The following PCGF2 variants were observed in gnomAD, a reference collection of about 807,000 sequenced individuals.
PCGF2 encodes polycomb group ring finger 2, also known as polycomb group RING finger protein 2.
PCGF2 carries 8 observed loss-of-function variants against 36.1 expected under a neutral mutation model. The observed-to-expected ratio is 0.22, with a 90% CI of 0.13 to 0.40. The LOEUF is 0.40. PCGF2 is among the 10% of genes least tolerant of loss of function. The pLI is 1.00. For synonymous variants in PCGF2, 198 were observed against 191.2 expected, an observed-to-expected ratio of 1.04 and a Z score of -0.29; for missense variants, 436 against 475.9, an observed-to-expected ratio of 0.92 and a Z score of 0.78.
intron 2 of PCGF2, among the ~76,000 whole-genome samples, chr17:38,744,785 A>G (rs538994257): frequency 4.7e-4 from 71 of 152,308 alleles, no homozygotes; most frequent in African/African-American, 1.5e-3. Flanking sequence ...CTCTGATGCC[A>G]TAGCTCTCTC....
chr17:38,739,631 A>G lies in PCGF2; in HGVS notation c.164T>C (p.Met55Thr). Residue 55 changes from methionine to threonine, a missense_variant, in exon 4 of 11, where the codon ATG becomes ACG. Coordinates refer to ENST00000620225, the MANE Select transcript of PCGF2 (RefSeq NM_007144.3). The surrounding 1 kb of genome is among the most constrained non-coding windows in gnomAD (Gnocchi z 4.0). ...RYLETNKYCP[M>T]CDVQVHKTRP... The stretch of plus-strand genomic sequence containing the variant: ...GGTTTTATGGACCTGCACGTCACAC[A>G]TGGGGCAGTATTTGTTGGTCTCCAG... The G allele has an allele frequency of 6.2e-7, 1 of 1,614,022 alleles. No individual in the cohort carries two copies. Among genetic ancestry groups the G allele is most frequent in the Non-Finnish European group, 8.5e-7 (1 of 1,179,964 alleles).
At chr17:38,745,161 T>A (rs1056307624) in intron 2 of PCGF2, among the ~76,000 whole-genome samples, 1 of 152,132 alleles carries the variant, frequency 6.6e-6, no homozygotes, top group African/African-American at 2.4e-5. Context: ...TGAAACCCCG[T>A]CTCTACTAAA....
rs1043396749 is a variant in PCGF2, at chr17:38,735,316, G to A, written c.942C>T (p.Asn314=). The change falls in exon 11 of 11, where the codon AAC becomes AAT. Residue 314 remains asparagine (N), a synonymous_variant. Transcript: ENST00000620225. ...STASGATTAA[N]GGSLNCLQTP... is the part of the protein sequence containing the mutation. ...TCTGCAGGCAGTTCAAGCTACCCCC[G>A]TTGGCAGCTGTGGTGGCCCCACTGG... 19 of 1,535,328 alleles carry A rather than the reference G, an allele frequency of 1.2e-5. No individual in the cohort carries two copies. The highest frequency in any genetic ancestry group is 1.6e-5 in the Non-Finnish European group (18 of 1,134,556).
At chr17:38,738,289 C>A in intron 9 of PCGF2, 64 bp downstream of exon 9, 1 of 1,349,972 alleles carries the variant, frequency 7.4e-7, no homozygotes, top group East Asian at 2.4e-5. Context: ...AATGGCTGGG[C>A]TGCACAGACT....
intron 2 of PCGF2, among the ~76,000 whole-genome samples, chr17:38,744,985 C>A (rs990961369): frequency 2.6e-5 from 4 of 152,134 alleles, no homozygotes; most frequent in African/African-American, 9.7e-5. Flanking sequence ...GAGGCCAAGG[C>A]GGATGGATCA....
At chr17:38,736,038 A>G (rs962280484) in intron 10 of PCGF2, 52 bp downstream of exon 10, 36 of 1,239,520 alleles carry the variant, frequency 2.9e-5, no homozygotes, top group Admixed American at 2.2e-4. Flanking sequence ...CCACAGACCT[A>G]TGCCAGACCC....
At chr17:38,745,711 T>C in intron 2 of PCGF2, among the ~76,000 whole-genome samples, 1 of 152,142 alleles carries the variant, frequency 6.6e-6, no homozygotes, top group East Asian at 1.9e-4. Flanking sequence ...ATGCCCGGCT[T>C]CATCCCAGCA....
intron 2 of PCGF2, among the ~76,000 whole-genome samples, chr17:38,743,650 C>CTGGGGG (rs1907350358): frequency 1.3e-5 from 2 of 152,108 alleles, no homozygotes; most frequent in African/African-American, 4.8e-5. Flanking sequence ...ACCTCTGGGG[C>CTGGGGG]TGGGGGTGGG....
intron 2 of PCGF2, among the ~76,000 whole-genome samples, chr17:38,740,708 G>C (rs111269183): frequency 0.06 from 9,193 of 152,116 alleles, 341 homozygotes; most frequent in Non-Finnish European, 0.091. Context: ...GCAGTGAGCC[G>C]AGATCATGCC....
intron 9 of PCGF2, among the ~76,000 whole-genome samples, chr17:38,736,970 T>C (rs529117140): frequency 6.8e-6 from 1 of 146,908 alleles, no homozygotes; most frequent in South Asian, 2.2e-4. Context: ...CCGTCTCTAC[T>C]AAAAAAACAG....
rs377313755 is a variant in PCGF2 at position 38,739,560 on chromosome 17, G to A, written c.209+26C>T. The A allele has an allele frequency of 1.3e-4, 197 of 1,549,166 alleles. No homozygotes were observed. In the South Asian group the frequency reaches 1.8e-3, roughly 14 times the overall value. On this transcript the variant is annotated intron_variant, in intron 4 of 10. Coordinates refer to ENST00000620225, the MANE Select transcript of PCGF2 (RefSeq NM_007144.3). The surrounding 1 kb of genome is among the most constrained non-coding windows in gnomAD (Gnocchi z 4.0). The stretch of plus-strand genomic sequence containing the variant: ...GGAGGCTGACCCAGAGGATCGCGGG[G>A]ACAGGAGGTGCCGTGCCAAGCCCAC...
chr17:38,742,408 A>C (rs1442102070), intron 2 of PCGF2, among the ~76,000 whole-genome samples: 1 of 152,222 alleles, frequency 6.6e-6, no homozygotes, highest in Non-Finnish European at 1.5e-5. Context: ...CAGGACCCAG[A>C]CAGCCAACAG....
In PCGF2 at chr17:38,737,812, T is replaced by C. The variant is rs529605105; in HGVS notation, c.576+541A>G. On this transcript the variant is annotated intron_variant, in intron 9 of 10. Coordinates refer to ENST00000620225, the MANE Select transcript of PCGF2 (RefSeq NM_007144.3). ...CTGTAATCCCAGCTACTCGGGAGGCTGAGGCAGGAGAATCGCTTGAATCCG... is the reference window on the plus strand; with the variant it reads ...CTGTAATCCCAGCTACTCGGGAGGCCGAGGCAGGAGAATCGCTTGAATCCG... Among the ~76,000 whole-genome samples the C allele has an allele frequency of 2.0e-5, 3 of 149,146 alleles. No individual in the cohort carries two copies. In the East Asian group the frequency reaches 6.0e-4, roughly 30 times the overall value.
rs1295125735 is a variant in PCGF2 at position 38,734,472 on chromosome 17, C to A, written c.*751G>T. The A allele has an allele frequency of 6.6e-6, 1 of 151,270 alleles. No individual in the cohort carries two copies. The highest frequency in any genetic ancestry group is 1.5e-5 in the Non-Finnish European group (1 of 67,916). The allele number at this position is 151,270 out of a possible 1,614,324, so 9.4% of individuals were successfully genotyped here. On this transcript the variant is annotated 3_prime_UTR_variant, in exon 11 of 11. Coordinates refer to ENST00000620225, the MANE Select transcript of PCGF2 (RefSeq NM_007144.3). ...CCCTCCTCCAAGAGCTGAGACCTCT[C>A]AGGGCCTGAATCTTCTTTTCCACAA...
At chr17:38,744,570 G>T (rs984135913) in intron 2 of PCGF2, among the ~76,000 whole-genome samples, 4 of 152,070 alleles carry the variant, frequency 2.6e-5, no homozygotes, top group Non-Finnish European at 5.9e-5. Context: ...TGGCCAGGCT[G>T]GTTTCCAACT....
At chr17:38,740,747 A>C (rs1222527125) in intron 2 of PCGF2, among the ~76,000 whole-genome samples, 1 of 152,036 alleles carries the variant, frequency 6.6e-6, no homozygotes, top group East Asian at 1.9e-4. Context: ...CGACAGAGTG[A>C]GAGTCTGTCT....
At chr17:38,745,236 G>A (rs1168862119) in intron 2 of PCGF2, among the ~76,000 whole-genome samples, 1 of 152,170 alleles carries the variant, frequency 6.6e-6, no homozygotes, top group Non-Finnish European at 1.5e-5. Context: ...GGAGGCTGAG[G>A]CAGGAGAATC....
chr17:38,742,134 G>A lies in PCGF2; in HGVS notation c.-40-1692C>T, dbSNP rs1907239515. Among the ~76,000 whole-genome samples the A allele has an allele frequency of 3.9e-5, 6 of 152,160 alleles. No homozygotes were observed. In the South Asian group the frequency reaches 1.2e-3, roughly 32 times the overall value. On this transcript the variant is annotated intron_variant, in intron 2 of 10. Transcript: ENST00000620225. Reference sequence around the variant, plus strand: ...GAGGTGAAAAGTCCGGCTCTGGATTGGCCACCGTGCTTCCTTCTTGGTAAA... The same window carrying A: ...GAGGTGAAAAGTCCGGCTCTGGATTAGCCACCGTGCTTCCTTCTTGGTAAA...
intron 2 of PCGF2, 75 bp from the exon 3 acceptor site, chr17:38,740,517 T>G: frequency 1.8e-6 from 2 of 1,100,848 alleles, no homozygotes; most frequent in Non-Finnish European, 2.6e-6. Context: ...CCCAGCACTT[T>G]GGGAGGCCAA....
Sources: allele counts gnomAD v4.1 joint callset (sites outside exome capture counted in the v4.1 genomes callset), GRCh38; gene constraint gnomAD v4.1.1; non-coding constraint Gnocchi (gnomAD v3.1); transcripts MANE v1.5; gene names NCBI Gene and HGNC (gene_info 2026-07-23, HGNC 2026-07-21).